Variants in LRP1B observed in about 807,000 individuals in gnomAD.
LRP1B encodes LDL receptor related protein 1B.
LRP1B carries 217 observed loss-of-function variants against 556.6 expected under a neutral mutation model. The ratio of observed to expected loss-of-function variants is 0.39; its 90% CI spans 0.35 to 0.44. LRP1B has a LOEUF of 0.44. LRP1B is among the 20% of genes least tolerant of loss of function. The pLI, the probability that LRP1B is intolerant of heterozygous loss-of-function variation, is 1.00. For synonymous variants in LRP1B, 2,047 were observed against 1,865.8 expected (o/e 1.10, Z -2.50); for missense variants, 5,053 against 5,620.8 (o/e 0.90, Z 3.23).
At chr2:140,450,346 C>G (rs75403963) in intron 63 of LRP1B, among the ~76,000 whole-genome samples, 11 of 152,116 alleles carry the variant, frequency 7.2e-5, no homozygotes, top group South Asian at 4.1e-4. Flanking sequence ...AAATCTAACA[C>G]GAATGGCTTA....
intron 2 of LRP1B, among the ~76,000 whole-genome samples, chr2:141,674,036 T>C (rs1051729907): frequency 1.3e-5 from 2 of 152,066 alleles, no homozygotes; most frequent in African/African-American, 2.4e-5. Flanking sequence ...CAGGTTGGCA[T>C]TCAAACTAAC....
intron 35 of LRP1B, 101 bp downstream of exon 35, chr2:140,769,112 A>G: frequency 9.2e-7 from 1 of 1,082,264 alleles, no homozygotes; most frequent in Non-Finnish European, 1.3e-6. Context: ...CTTATTTCTC[A>G]TCTTGACTAT....
chr2:140,299,946 C>CT (rs961972705), intron 83 of LRP1B, among the ~76,000 whole-genome samples: 24 of 151,232 alleles, frequency 1.6e-4, no homozygotes, highest in Middle Eastern at 3.4e-3. Flanking sequence ...ATGTGTTTTT[C>CT]TTTTTTTTTG....
intron 41 of LRP1B, among the ~76,000 whole-genome samples, chr2:140,691,400 G>A (rs1330078993): frequency 2.6e-5 from 4 of 151,560 alleles, no homozygotes; most frequent in Non-Finnish European, 5.9e-5. Context: ...GAACCTGGAA[G>A]GCGGAGGTTG....
At chr2:141,654,929 T>C (rs575442746) in intron 2 of LRP1B, among the ~76,000 whole-genome samples, 11 of 152,276 alleles carry the variant, frequency 7.2e-5, no homozygotes, top group African/African-American at 2.4e-4. Flanking sequence ...AAGACAGTAA[T>C]GTTAGGGAGG....
chr2:141,544,349 C>CTTCTTCTTCTTCTTCTT (rs1685444629), intron 2 of LRP1B, among the ~76,000 whole-genome samples: 2 of 85,876 alleles, frequency 2.3e-5, no homozygotes, highest in African/African-American at 4.1e-5. Context: ...TCTTCTTCTT[C>CTTCTTCTTCTTCTTCTT]TTCTTCTTCT....
At chr2:141,050,575 C>T (rs1699007471) in intron 10 of LRP1B, among the ~76,000 whole-genome samples, 1 of 151,964 alleles carries the variant, frequency 6.6e-6, no homozygotes, top group East Asian at 1.9e-4. Context: ...TCAACTCCAA[C>T]TTATGAGTGA....
chr2:141,166,349 A>G (rs1483298717), intron 7 of LRP1B, among the ~76,000 whole-genome samples: 1 of 148,628 alleles, frequency 6.7e-6, no homozygotes, highest in Non-Finnish European at 1.5e-5. Flanking sequence ...TTTTCTGACT[A>G]ACATCTTCTC....
At chr2:140,667,651 A>G (rs776043518) in intron 41 of LRP1B, among the ~76,000 whole-genome samples, 6 of 152,238 alleles carry the variant, frequency 3.9e-5, no homozygotes, top group Non-Finnish European at 8.8e-5. Context: ...AGTACATAAC[A>G]CTTTTCCTAG....
intron 11 of LRP1B, among the ~76,000 whole-genome samples, chr2:141,029,596 G>C (rs1376704879): frequency 6.6e-6 from 1 of 152,040 alleles, no homozygotes; most frequent in Non-Finnish European, 1.5e-5. Context: ...CTGATCTCTA[G>C]GCCCTGGGAT....
chr2:141,006,958 T>C (rs1697593088), intron 14 of LRP1B, among the ~76,000 whole-genome samples: 1 of 151,966 alleles, frequency 6.6e-6, no homozygotes, highest in Admixed American at 6.6e-5. Context: ...TCTATAAATG[T>C]GTCAAACTTT....
intron 65 of LRP1B, among the ~76,000 whole-genome samples, chr2:140,443,172 T>C (rs1238977346): frequency 6.6e-6 from 1 of 152,176 alleles, no homozygotes; most frequent in African/African-American, 2.4e-5. Context: ...GTGATTCTCC[T>C]GCCTCAGCCT....
chr2:141,519,112 G>A (rs1258790886), intron 2 of LRP1B, among the ~76,000 whole-genome samples: 1 of 151,914 alleles, frequency 6.6e-6, no homozygotes, highest in African/African-American at 2.4e-5. Flanking sequence ...GTCTTTGTCT[G>A]CTGTGAGAGA....
At chr2:140,808,656 C>T (rs1690812253) in intron 32 of LRP1B, among the ~76,000 whole-genome samples, 1 of 152,118 alleles carries the variant, frequency 6.6e-6, no homozygotes, top group Non-Finnish European at 1.5e-5. Flanking sequence ...GGATTCTTGC[C>T]ACCATGTATA....
chr2:142,113,356 C>G (rs1328794576), intron 1 of LRP1B, among the ~76,000 whole-genome samples: 2 of 152,050 alleles, frequency 1.3e-5, no homozygotes, highest in African/African-American at 4.8e-5. Flanking sequence ...AGAAGTTAAA[C>G]TAATTGTCAG....
chr2:141,368,625 G>GT (rs1394559314), intron 3 of LRP1B, among the ~76,000 whole-genome samples: 3 of 152,098 alleles, frequency 2.0e-5, no homozygotes, highest in Admixed American at 2.0e-4. Flanking sequence ...ATTCTAATTT[G>GT]TTTTGCTGAT....
Position 141,441,783 on chromosome 2 carries a change from TAC to T in LRP1B, c.343+38611_343+38612del, listed in dbSNP as rs1165672571. Among the ~76,000 whole-genome samples the T allele has an allele frequency of 2.6e-5, 4 of 152,172 alleles. No homozygotes were observed. In the East Asian group the frequency reaches 7.7e-4, roughly 29 times the overall value. The stretch of plus-strand genomic sequence containing the variant: ...TTATGAAACCAGGAACATTGAACGC[TAC>T]AGTCTTGAAAGATTTTCAATAATGC... On this transcript the variant is annotated intron_variant, in intron 3 of 90. Transcript: ENST00000389484.
At chr2:140,736,342 G>A (rs1395928348) in intron 35 of LRP1B, among the ~76,000 whole-genome samples, 1 of 151,960 alleles carries the variant, frequency 6.6e-6, no homozygotes, top group Non-Finnish European at 1.5e-5. Flanking sequence ...CAGTAGGAGG[G>A]CAGTCCCAAA....
intron 2 of LRP1B, among the ~76,000 whole-genome samples, chr2:141,657,819 T>C (rs1456816326): frequency 3.3e-5 from 5 of 152,228 alleles, no homozygotes; most frequent in African/African-American, 1.2e-4. Context: ...ATTGCCTTTC[T>C]GAAATAATCT....
Sources: allele counts gnomAD v4.1 joint callset (sites outside exome capture counted in the v4.1 genomes callset), GRCh38; gene constraint gnomAD v4.1.1; transcripts MANE v1.5; gene names NCBI Gene and HGNC (gene_info 2026-07-23, HGNC 2026-07-21).